The following KIF27 variants were observed in gnomAD, a reference collection of about 807,000 sequenced individuals.
The protein encoded by KIF27 is kinesin-like protein KIF27.
A neutral mutation model predicts 141.8 loss-of-function variants in KIF27; 84 were observed. That is an observed-to-expected ratio of 0.59 (90% CI 0.50 to 0.71). The LOEUF is 0.71. KIF27 is among the 30% of genes least tolerant of loss of function. The pLI is 0.00. For missense variants in KIF27, 1,306 were observed against 1,628.4 expected (o/e 0.80, Z 3.41); for synonymous variants, 471 against 569.5 (o/e 0.83, Z 2.46).
chr9:83,848,208 GATATATATGATATATCAGATA>G (rs1947837310), intron 16 of KIF27, among the ~76,000 whole-genome samples: 1 of 43,462 alleles, frequency 2.3e-5, no homozygotes, highest in Admixed American at 1.9e-4. Context: ...TATCAGATAT[GATATATATGATATATCAGATA>G]TGATATATAT....
At chr9:83,893,507 C>A (rs1952879451) in intron 5 of KIF27, among the ~76,000 whole-genome samples, 1 of 151,798 alleles carries the variant, frequency 6.6e-6, no homozygotes, top group African/African-American at 2.4e-5. Context: ...ATAAATCCCC[C>A]ATGTCCTGTA....
chr9:83,914,719 CA>C (rs1955521894), intron 2 of KIF27, among the ~76,000 whole-genome samples: 1 of 152,132 alleles, frequency 6.6e-6, no homozygotes, highest in African/African-American at 2.4e-5. Context: ...ACTTGGCTGT[CA>C]ATTCCCCCAC....
intron 17 of KIF27, among the ~76,000 whole-genome samples, chr9:83,840,163 A>T (rs1946396840): frequency 6.6e-6 from 1 of 152,194 alleles, no homozygotes; most frequent in Admixed American, 6.5e-5. Context: ...ATATAATTGC[A>T]ACTGTATATT....
At chr9:83,855,815 T>G (rs568615732) in intron 14 of KIF27, among the ~76,000 whole-genome samples, 1 of 152,334 alleles carries the variant, frequency 6.6e-6, no homozygotes, top group South Asian at 2.1e-4. Context: ...AAAACAAATG[T>G]GAAGAGTTTG....
chr9:83,915,123 T>C (rs1176382761), intron 2 of KIF27, among the ~76,000 whole-genome samples, 171 bp downstream of exon 2: 2 of 152,218 alleles, frequency 1.3e-5, no homozygotes, highest in Non-Finnish European at 2.9e-5. Context: ...AACTTCAATA[T>C]TTAAAAACGA....
intron 4 of KIF27, among the ~76,000 whole-genome samples, chr9:83,901,680 C>T (rs1953910531): frequency 6.6e-6 from 1 of 152,122 alleles, no homozygotes; most frequent in African/African-American, 2.4e-5. Context: ...GGAGACCATC[C>T]TGGCCAACAT....
chr9:83,907,406 G>T (rs113507470), intron 3 of KIF27, among the ~76,000 whole-genome samples: 1 of 151,592 alleles, frequency 6.6e-6, no homozygotes. Context: ...ATTTCTAGGC[G>T]CTAGGATTAA....
intron 1 of KIF27, among the ~76,000 whole-genome samples, chr9:83,918,293 AAGAG>A (rs898601081): frequency 2.1e-5 from 3 of 140,404 alleles, no homozygotes; most frequent in African/African-American, 5.3e-5. Context: ...ACTTGTCTCA[AAGAG>A]AGAGAGAAAG....
chr9:83,908,345 C>A, intron 3 of KIF27, 107 bp downstream of exon 3: 1 of 525,840 alleles, frequency 1.9e-6, no homozygotes. Context: ...CATTTTGCTT[C>A]TGCATCTGTT....
intron 13 of KIF27, chr9:83,860,029 G>C (rs1949716959): frequency 6.6e-6 from 1 of 151,958 alleles, no homozygotes; most frequent in Non-Finnish European, 1.5e-5. Flanking sequence ...AATTTACTAG[G>C]GGTTGAGATG....
rs532390425 is a variant in KIF27, at chr9:83,903,557, A to T, written c.961T>A (p.Ser321Thr). 39 of 1,614,140 alleles carry T rather than the reference A, an allele frequency of 2.4e-5. No homozygotes were observed. In the South Asian group the frequency reaches 4.1e-4, roughly 17 times the overall value. ...KTVMITCVSP[S>T]SSNFDESLNS... The stretch of plus-strand genomic sequence containing the variant: ...AAGGACTCATCAAAATTCGAGGAGG[A>T]GGGGCTGACACATGTGATCATGACA... The change falls in exon 4 of 18, where the codon TCC (serine) becomes ACC (threonine). Residue 321 changes from serine (S) to threonine (T), a missense_variant. By Grantham distance (58) the Ser-to-Thr change is moderately conservative. Coordinates refer to ENST00000297814, the MANE Select transcript of KIF27 (RefSeq NM_017576.4).
intron 15 of KIF27, among the ~76,000 whole-genome samples, chr9:83,850,830 C>CTTTTTTTT (rs202212264): frequency 3.0e-5 from 2 of 67,518 alleles, no homozygotes; most frequent in African/African-American, 6.4e-5. Flanking sequence ...ATGACATTTT[C>CTTTTTTTT]TTTTTTTTTT....
At chr9:83,863,889 C>T (rs1339127157) in intron 13 of KIF27, 1 of 152,176 alleles carries the variant, frequency 6.6e-6, no homozygotes, top group African/African-American at 2.4e-5. Context: ...TCAACTTCCT[C>T]CTGGTTTAGT....
At chr9:83,869,945 G>A (rs1950635415) in intron 12 of KIF27, among the ~76,000 whole-genome samples, 1 of 152,144 alleles carries the variant, frequency 6.6e-6, no homozygotes, top group African/African-American at 2.4e-5. Context: ...TTGGGCAACA[G>A]GATTATTAGA....
chr9:83,917,379 G>A (rs769370888), intron 1 of KIF27, among the ~76,000 whole-genome samples: 1 of 152,140 alleles, frequency 6.6e-6, no homozygotes, highest in Non-Finnish European at 1.5e-5. Context: ...ATATTAATAT[G>A]TCAGTATTCC....
At chr9:83,897,424 T>C (rs1175155479) in intron 5 of KIF27, among the ~76,000 whole-genome samples, 2 of 152,154 alleles carry the variant, frequency 1.3e-5, no homozygotes, top group Non-Finnish European at 2.9e-5. Context: ...GTTTAAAAAA[T>C]GAAATTTGAT....
intron 5 of KIF27, 24 bp downstream of exon 5, chr9:83,899,637 G>A (rs753020152): frequency 1.1e-5 from 18 of 1,602,324 alleles, no homozygotes; most frequent in Non-Finnish European, 1.5e-5. Context: ...AAAATCTACA[G>A]AGCTAGATGC....
At chr9:83,861,329 C>G (rs1353733485) in intron 13 of KIF27, among the ~76,000 whole-genome samples, 1 of 151,996 alleles carries the variant, frequency 6.6e-6, no homozygotes, top group Non-Finnish European at 1.5e-5. Flanking sequence ...TCCCTCCCCC[C>G]TTCCCCCACC....
chr9:83,848,196 TATATC>T (rs1947812708), intron 16 of KIF27, among the ~76,000 whole-genome samples: 1 of 87,586 alleles, frequency 1.1e-5, no homozygotes, highest in East Asian at 2.9e-4. Context: ...ATATATATGA[TATATC>T]AGATATGATA....
Sources: gnomAD v4.1 joint callset for allele counts (sites outside exome capture counted in the v4.1 genomes callset) on GRCh38, gnomAD v4.1.1 for gene constraint, MANE v1.5 for transcripts, NCBI Gene and HGNC (gene_info 2026-07-23, HGNC 2026-07-21) for gene names.